The following SPATA13 variants were observed in gnomAD, a reference collection of about 807,000 sequenced individuals.
The protein encoded by SPATA13 is spermatogenesis-associated protein 13.
In SPATA13, 50 loss-of-function variants were observed where a neutral mutation model predicts 104.0. That is an observed-to-expected ratio of 0.48 (90% CI 0.38 to 0.61). The LOEUF is 0.61. SPATA13 is among the 20% of genes least tolerant of loss of function. The pLI, the probability that SPATA13 is intolerant of heterozygous loss-of-function variation, is 0.00. For synonymous variants in SPATA13, 606 were observed against 667.5 expected, an observed-to-expected ratio of 0.91 and a Z score of 1.42; for missense variants, 1,524 against 1,690.6, an observed-to-expected ratio of 0.90 and a Z score of 1.73.
rs139230367 is a variant in SPATA13, at chr13:24,222,900, C to T, written c.-30C>T. The T allele has an allele frequency of 2.6e-5, 41 of 1,549,836 alleles. No individual in the cohort carries two copies. The highest frequency in any genetic ancestry group is 4.8e-5 in the South Asian group (4 of 83,868). On this transcript the variant is annotated 5_prime_UTR_variant, in exon 2 of 13. Transcript: ENST00000382108. ...TCCTGGAGATGAAGGCCTGGAGCTG[C>T]GGTCTGCGGACTCGGCAGTGCCCGT...
intron 3 of SPATA13, among the ~76,000 whole-genome samples, chr13:24,020,095 G>A (rs917701861): frequency 6.6e-6 from 1 of 152,184 alleles, no homozygotes; most frequent in African/African-American, 2.4e-5. Flanking sequence ...CTCACCGACA[G>A]CCAGACTTAA....
chr13:23,983,932 A>G, exon 2 of SPATA13: 1 of 985,490 alleles, frequency 1.0e-6, no homozygotes, highest in Non-Finnish European at 1.2e-6. Context: ...CTGGCCGTGA[A>G]GGTAAGTTGA....
intron 3 of SPATA13, among the ~76,000 whole-genome samples, chr13:24,059,839 T>C (rs1457691551): frequency 6.6e-6 from 1 of 152,222 alleles, no homozygotes; most frequent in Non-Finnish European, 1.5e-5. Flanking sequence ...GCCTTCATTT[T>C]CTTCTCTTGC....
intron 4 of SPATA13, among the ~76,000 whole-genome samples, chr13:24,274,337 C>A (rs943337259): frequency 5.3e-5 from 8 of 152,228 alleles, no homozygotes; most frequent in Non-Finnish European, 1.2e-4. Flanking sequence ...AAAATAAATT[C>A]TCAGCCAACA....
intron 4 of SPATA13, among the ~76,000 whole-genome samples, chr13:24,265,430 G>C (rs1288625637): frequency 1.3e-5 from 2 of 151,080 alleles, no homozygotes; most frequent in Non-Finnish European, 2.9e-5. Context: ...GGCACTCGAT[G>C]ATTTAGGGGA....
chr13:24,186,457 A>G (rs1869157252), intron 1 of SPATA13, among the ~76,000 whole-genome samples: 1 of 152,208 alleles, frequency 6.6e-6, no homozygotes, highest in South Asian at 2.1e-4. Context: ...AACATCAGCC[A>G]TAGTCCAGAA....
chr13:24,269,610 C>A (rs1043261231), intron 4 of SPATA13, among the ~76,000 whole-genome samples: 1 of 151,896 alleles, frequency 6.6e-6, no homozygotes, highest in South Asian at 2.1e-4. Context: ...ATTCTGTCAC[C>A]GAGGCTGGAG....
At chr13:24,302,575 A>G (rs374774381) in intron 12 of SPATA13, 23 bp from the exon 13 acceptor site, 141 of 1,548,870 alleles carry the variant, frequency 9.1e-5, no homozygotes, top group Middle Eastern at 7.1e-4. Context: ...TCCCTGTTCC[A>G]TCTCTCTCCC....
At chr13:24,005,404 A>G (rs1876177230) in intron 2 of SPATA13, among the ~76,000 whole-genome samples, 2 of 152,330 alleles carry the variant, frequency 1.3e-5, no homozygotes, top group Middle Eastern at 3.4e-3. Context: ...GCTCAGGAAT[A>G]TAGTGCTCAC....
chr13:24,175,720 G>A (rs1184313711), intron 1 of SPATA13, among the ~76,000 whole-genome samples: 1 of 152,156 alleles, frequency 6.6e-6, no homozygotes, highest in Non-Finnish European at 1.5e-5. Context: ...TAAACAGTTT[G>A]TTGACTACCT....
chr13:24,198,957 T>TTG (rs1870245786), intron 1 of SPATA13, among the ~76,000 whole-genome samples: 1 of 151,574 alleles, frequency 6.6e-6, no homozygotes, highest in Non-Finnish European at 1.5e-5. Flanking sequence ...AAATCTTTTT[T>TTG]TTTTTTTTTA....
intron 2 of SPATA13, among the ~76,000 whole-genome samples, chr13:24,225,822 G>A (rs1300532918): frequency 6.6e-6 from 1 of 152,230 alleles, no homozygotes; most frequent in Non-Finnish European, 1.5e-5. Flanking sequence ...CCAGGAATTT[G>A]TTGCAGCCCC....
intron 3 of SPATA13, chr13:24,251,355 C>G: frequency 1.6e-6 from 1 of 629,228 alleles, no homozygotes; most frequent in Non-Finnish European, 2.0e-6. Flanking sequence ...GAGGCCACCC[C>G]TGGGAAAGCA....
upstream of SPATA13, among the ~76,000 whole-genome samples, chr13:24,159,363 T>C (rs564454125): frequency 2.6e-5 from 4 of 152,346 alleles, no homozygotes; most frequent in East Asian, 7.7e-4. Flanking sequence ...AAATAAAATT[T>C]GCCCATATTT....
intron 3 of SPATA13, chr13:24,122,159 G>T (rs1881050242): frequency 6.2e-6 from 10 of 1,605,202 alleles, no homozygotes; most frequent in Non-Finnish European, 8.5e-6. Context: ...AATCATTTTG[G>T]ATTCATGGGC....
intron 2 of SPATA13, among the ~76,000 whole-genome samples, chr13:24,239,780 T>G (rs915418962): frequency 2.0e-5 from 3 of 150,948 alleles, no homozygotes; most frequent in Non-Finnish European, 4.4e-5. Context: ...TTTGAAATAT[T>G]AAGTTCTCCT....
intron 3 of SPATA13, among the ~76,000 whole-genome samples, chr13:24,144,311 A>C (rs1881861383): frequency 6.6e-6 from 1 of 152,172 alleles, no homozygotes; most frequent in Non-Finnish European, 1.5e-5. Context: ...GCGGGTACTC[A>C]TCTTCCCCTG....
At position 24,284,252 on chromosome 13, in the gene SPATA13, A is replaced by C. The variant is rs1415637218; in HGVS notation, c.2282A>C (p.Glu761Ala). 1.8e-5 allele frequency: 29 copies of C among 1,613,414 alleles called. No individual in the cohort carries two copies. The highest frequency in any genetic ancestry group is 2.5e-5 in the Non-Finnish European group (29 of 1,179,788). The change falls in exon 5 of 13, where the codon GAG (glutamate) becomes GCG (alanine). Residue 761 changes from glutamate to alanine, a missense_variant. This residue lies in a region of SPATA13 where 1,089 missense variants were observed against 1,135.9 expected (regional missense o/e 0.96). Transcript: ENST00000382108. ...ASPRYLQPGG[E>A]QLAINELISD... Reference sequence around the variant, plus strand: ...CCTCGGTACCTGCAGCCCGGCGGGGAGCAGCTGGCCATCAATGAGGTACTG... The same window carrying C: ...CCTCGGTACCTGCAGCCCGGCGGGGCGCAGCTGGCCATCAATGAGGTACTG...
Position 24,222,938 on chromosome 13 carries a change from G to C in SPATA13, c.9G>C (p.Gln3His). Residue 3 changes from glutamine (Q) to histidine (H), a missense_variant, in exon 2 of 13, where the codon CAG (glutamine) becomes CAC (histidine). Gln to His is a conservative substitution (Grantham distance 24, BLOSUM62 0). Coordinates refer to ENST00000382108, the MANE Select transcript of SPATA13 (RefSeq NM_001166271.3). ...CGGCAGTGCCCGTGGCCATGACCCA[G>C]GCTGCCGTGCGGCCCTGGGCACCCT... MTQAAVRPWAPCL... is the reference protein window; with the variant it reads MTHAAVRPWAPCL... The C allele has an allele frequency of 6.4e-7, 1 of 1,551,084 alleles. No individual in the cohort carries two copies. Among genetic ancestry groups the C allele is most frequent in the Non-Finnish European group, 8.7e-7 (1 of 1,146,688 alleles).
Sources: allele counts gnomAD v4.1 joint callset (sites outside exome capture counted in the v4.1 genomes callset), GRCh38; gene constraint gnomAD v4.1.1; regional missense constraint gnomAD v4.1.1; transcripts MANE v1.5; gene names NCBI Gene and HGNC (gene_info 2026-07-23, HGNC 2026-07-21).